The following CTNNA2 variants were observed in gnomAD, a reference collection of about 807,000 sequenced individuals.
CTNNA2 encodes catenin alpha 2.
CTNNA2 carries 42 observed loss-of-function variants against 101.0 expected under a neutral mutation model. The ratio of observed to expected loss-of-function variants is 0.42; its 90% confidence interval spans 0.32 to 0.54. The LOEUF (loss-of-function observed/expected upper bound fraction) is 0.54. Among genes scored for constraint, CTNNA2 ranks in the 20% least tolerant of loss-of-function variants. CTNNA2 has a pLI of 0.14. For synonymous variants in CTNNA2, 450 were observed against 456.4 expected, an observed-to-expected ratio of 0.99 and a Z score of 0.18; for missense variants, 871 against 1,223.1, an observed-to-expected ratio of 0.71 and a Z score of 4.29.
intron 2 of CTNNA2, among the ~76,000 whole-genome samples, chr2:79,311,408 CA>C (rs753633073): frequency 1.5e-3 from 100 of 67,034 alleles, no homozygotes; most frequent in East Asian, 5.0e-3. Context: ...GACTCCGTCT[CA>C]AAAAAAAAAA....
At chr2:79,389,876 A>C (rs1678153204) in intron 4 of CTNNA2, among the ~76,000 whole-genome samples, 1 of 152,170 alleles carries the variant, frequency 6.6e-6, no homozygotes, top group Non-Finnish European at 1.5e-5. Context: ...ATTACTACAC[A>C]ATTATATCAT....
intron 7 of CTNNA2, among the ~76,000 whole-genome samples, chr2:79,961,541 G>A (rs1452484363): frequency 4.6e-5 from 7 of 152,158 alleles, no homozygotes; most frequent in Admixed American, 6.5e-5. Flanking sequence ...AAGCTGGCCC[G>A]GCCTGGCGTG....
At chr2:80,203,448 C>A (rs1392661374) in intron 7 of CTNNA2, among the ~76,000 whole-genome samples, 1 of 152,218 alleles carries the variant, frequency 6.6e-6, no homozygotes, top group Admixed American at 6.5e-5. Context: ...TTGGCCAAAA[C>A]AATGGGGCCA....
intron 4 of CTNNA2, among the ~76,000 whole-genome samples, chr2:79,380,983 A>G (rs1026357520): frequency 1.3e-5 from 2 of 152,214 alleles, no homozygotes; most frequent in Admixed American, 6.5e-5. Context: ...TTTGAAGAAA[A>G]GTTAGAAAAC....
chr2:79,659,657 G>T (rs1187063889), intron 2 of CTNNA2, among the ~76,000 whole-genome samples: 1 of 152,060 alleles, frequency 6.6e-6, no homozygotes, highest in African/African-American at 2.4e-5. Context: ...ATTTTTGAAT[G>T]ATATTTTTCT....
chr2:80,197,936 C>A (rs1351926587), intron 7 of CTNNA2, among the ~76,000 whole-genome samples: 1 of 152,160 alleles, frequency 6.6e-6, no homozygotes, highest in Non-Finnish European at 1.5e-5. Context: ...TCCCAACTTA[C>A]AATGTGAATA....
At chr2:79,662,392 G>A (rs1682097936) in intron 2 of CTNNA2, among the ~76,000 whole-genome samples, 2 of 152,272 alleles carry the variant, frequency 1.3e-5, no homozygotes, top group East Asian at 1.9e-4. Flanking sequence ...TGCAAGTAAT[G>A]TCAGAGAAAA....
At chr2:79,753,031 A>G (rs1434940224) in intron 3 of CTNNA2, among the ~76,000 whole-genome samples, 1 of 152,214 alleles carries the variant, frequency 6.6e-6, no homozygotes, top group African/African-American at 2.4e-5. Context: ...TATTTTGAAC[A>G]AAGACAGAGG....
At chr2:79,336,210 AG>A (rs1489833515) in intron 3 of CTNNA2, among the ~76,000 whole-genome samples, 1 of 152,190 alleles carries the variant, frequency 6.6e-6, no homozygotes, top group Non-Finnish European at 1.5e-5. Context: ...CCTTAGAACC[AG>A]GGGGCAAGAC....
Position 79,370,075 on chromosome 2 carries a change from A to G in CTNNA2, c.-317-3756A>G, listed in dbSNP as rs6722354. Among the ~76,000 whole-genome samples the G allele has an allele frequency of 2.5e-3, 374 of 152,334 alleles. 3 individuals are homozygous for G. The highest frequency in any genetic ancestry group is 8.5e-3 in the African/African-American group (353 of 41,580). ...TGCCTTGTAGAATGTTAAATAGAGG[A>G]CAAGATTTTGACCTCAGTATCAGAG... On this transcript the variant is annotated intron_variant, in intron 3 of 21. Coordinates refer to the CTNNA2 transcript ENST00000466387.
intron 2 of CTNNA2, among the ~76,000 whole-genome samples, chr2:79,235,894 C>G (rs1048426684): frequency 3.9e-5 from 6 of 152,078 alleles, no homozygotes; most frequent in Non-Finnish European, 7.4e-5. Flanking sequence ...GAGTCACCTT[C>G]CCTGCTGTCT....
At chr2:80,195,173 T>A (rs1481093224) in intron 7 of CTNNA2, among the ~76,000 whole-genome samples, 1 of 152,186 alleles carries the variant, frequency 6.6e-6, no homozygotes, top group East Asian at 1.9e-4. Context: ...GTATGAGTAT[T>A]CTCTTGGTTT....
intron 7 of CTNNA2, among the ~76,000 whole-genome samples, chr2:79,968,677 C>T (rs1017057202): frequency 9.2e-5 from 14 of 152,104 alleles, no homozygotes; most frequent in Non-Finnish European, 1.6e-4. Context: ...AAAATATAAA[C>T]AATCCCCCCA....
At chr2:79,756,040 A>G (rs1045707398) in intron 3 of CTNNA2, among the ~76,000 whole-genome samples, 4 of 147,638 alleles carry the variant, frequency 2.7e-5, no homozygotes, top group Admixed American at 6.8e-5. Context: ...TTTGTATGCC[A>G]AAGTTTGCAT....
chr2:79,909,108 T>G (rs1685615367), intron 6 of CTNNA2, among the ~76,000 whole-genome samples: 1 of 152,362 alleles, frequency 6.6e-6, no homozygotes, highest in South Asian at 2.1e-4. Flanking sequence ...GGGTGTTATG[T>G]GCCCAAGTTT....
Position 79,489,334 on chromosome 2 carries a change from G to T in CTNNA2, c.-134-15720G>T, listed in dbSNP as rs150202747. 1.3e-3 allele frequency among the ~76,000 whole-genome samples: 194 copies of T among 152,234 alleles called. 5 individuals carry two copies. In the East Asian group the frequency reaches 0.03, roughly 24 times the overall value. ...CAAGGGTCCAGAACCTGATTAGATG[G>T]TCTTAAAATGGGATTATAGTCAAAA... On this transcript the variant is annotated intron_variant, in intron 4 of 21. Transcript: ENST00000466387.
chr2:79,394,922 G>A (rs1177319871), intron 4 of CTNNA2, among the ~76,000 whole-genome samples: 2 of 152,144 alleles, frequency 1.3e-5, no homozygotes, highest in Non-Finnish European at 2.9e-5. Context: ...TACTGTGAAT[G>A]AGGGAAGATC....
At chr2:79,461,837 A>G (rs570076083) in intron 4 of CTNNA2, among the ~76,000 whole-genome samples, 20 of 152,242 alleles carry the variant, frequency 1.3e-4, no homozygotes, top group African/African-American at 4.6e-4. Flanking sequence ...AAAAACATGA[A>G]AATGAGAGAA....
intron 2 of CTNNA2, among the ~76,000 whole-genome samples, chr2:79,257,942 T>C (rs1473264522): frequency 2.0e-5 from 3 of 152,172 alleles, no homozygotes; most frequent in African/African-American, 7.2e-5. Context: ...TTCCAGTCTT[T>C]CTTTGGCAAT....
Sources: gnomAD v4.1 joint callset for allele counts (sites outside exome capture counted in the v4.1 genomes callset) on GRCh38, gnomAD v4.1.1 for gene constraint, MANE v1.5 for transcripts, NCBI Gene and HGNC (gene_info 2026-07-23, HGNC 2026-07-21) for gene names.